FOXP1: variants seen among roughly 807,000 people sequenced by gnomAD.
The protein encoded by FOXP1 is forkhead box P1.
Under a neutral mutation model 98.2 loss-of-function variants are expected in FOXP1, and 15 were observed. The ratio of observed to expected loss-of-function variants is 0.15; its 90% CI spans 0.10 to 0.24. The LOEUF is 0.24. Among genes scored for constraint, FOXP1 ranks in the 10% least tolerant of loss-of-function variants. The pLI is 1.00. For missense variants in FOXP1, 633 were observed against 848.5 expected (o/e 0.75, Z 3.15); for synonymous variants, 371 against 314.5 (o/e 1.18, Z -1.90).
At chr3:71,271,295 T>C (rs1309805233) in intron 5 of FOXP1, among the ~76,000 whole-genome samples, 1 of 152,088 alleles carries the variant, frequency 6.6e-6, no homozygotes, top group Non-Finnish European at 1.5e-5. Context: ...CAAATACAAA[T>C]GTAGGGAGAG....
intron 13 of FOXP1, among the ~76,000 whole-genome samples, chr3:70,991,525 A>C (rs962119491): frequency 6.6e-6 from 1 of 152,212 alleles, no homozygotes; most frequent in Non-Finnish European, 1.5e-5. Flanking sequence ...TTTGGGGTTC[A>C]TTTAACATCA....
At chr3:71,120,897 C>G (rs2058713122) in intron 6 of FOXP1, among the ~76,000 whole-genome samples, 1 of 152,188 alleles carries the variant, frequency 6.6e-6, no homozygotes, top group Admixed American at 6.5e-5. Flanking sequence ...TATGTATATT[C>G]CTTGCTTTTC....
At chr3:71,396,957 T>TATATACAC (rs1560424253) in intron 3 of FOXP1, among the ~76,000 whole-genome samples, 3 of 50,094 alleles carry the variant, frequency 6.0e-5, no homozygotes, top group African/African-American at 2.4e-4. Flanking sequence ...TGTGTATATA[T>TATATACAC]ATATATGTGT....
intron 9 of FOXP1, among the ~76,000 whole-genome samples, chr3:71,051,773 AC>A (rs1281596598): frequency 1.3e-5 from 2 of 152,178 alleles, no homozygotes; most frequent in African/African-American, 4.8e-5. Context: ...ACTGAGTCTC[AC>A]CCACGCAGAA....
intron 3 of FOXP1, among the ~76,000 whole-genome samples, chr3:71,443,489 C>T (rs541078386): frequency 4.7e-4 from 71 of 152,360 alleles, no homozygotes; most frequent in African/African-American, 1.6e-3. Context: ...CTAACAAGCC[C>T]TCCAGGTGAC....
At chr3:71,377,373 T>C (rs1416632265) in intron 3 of FOXP1, among the ~76,000 whole-genome samples, 1 of 152,222 alleles carries the variant, frequency 6.6e-6, no homozygotes, top group Non-Finnish European at 1.5e-5. Context: ...TATATAAATA[T>C]CATGTAAAGG....
chr3:71,150,423 C>T (rs978402006), intron 6 of FOXP1, among the ~76,000 whole-genome samples: 2 of 152,178 alleles, frequency 1.3e-5, no homozygotes, highest in East Asian at 3.9e-4. Flanking sequence ...TTGTGTCTAT[C>T]CGCCACTTCT....
chr3:71,427,842 G>A (rs2084304029), intron 3 of FOXP1, among the ~76,000 whole-genome samples: 1 of 152,080 alleles, frequency 6.6e-6, no homozygotes, highest in Non-Finnish European at 1.5e-5. Context: ...AAGATGAGCA[G>A]GCACCAAAGA....
At chr3:71,344,889 G>T (rs1454326810) in intron 4 of FOXP1, among the ~76,000 whole-genome samples, 1 of 152,004 alleles carries the variant, frequency 6.6e-6, no homozygotes, top group East Asian at 1.9e-4. Context: ...ATTAGGGCAG[G>T]CATCTTAAAT....
chr3:71,183,872 G>A (rs1244473549), intron 6 of FOXP1, among the ~76,000 whole-genome samples: 1 of 152,148 alleles, frequency 6.6e-6, no homozygotes, highest in African/African-American at 2.4e-5. Context: ...GCCCTCCAGC[G>A]CCTGGCGTGG....
At chr3:71,143,133 T>A (rs2060150571) in intron 6 of FOXP1, among the ~76,000 whole-genome samples, 3 of 152,222 alleles carry the variant, frequency 2.0e-5, no homozygotes, top group Non-Finnish European at 4.4e-5. Flanking sequence ...AAACACTAAG[T>A]GAAAACAGTT....
At chr3:71,482,747 G>A (rs2090375544) in intron 3 of FOXP1, among the ~76,000 whole-genome samples, 1 of 151,398 alleles carries the variant, frequency 6.6e-6, no homozygotes, top group Non-Finnish European at 1.5e-5. Context: ...CTGTCTTGCA[G>A]AAAATTCACC....
intron 6 of FOXP1, among the ~76,000 whole-genome samples, chr3:71,169,579 AC>A (rs2061547071): frequency 6.6e-6 from 1 of 152,048 alleles, no homozygotes; most frequent in Non-Finnish European, 1.5e-5. Flanking sequence ...CTTTTGTTTA[AC>A]TGCACCTTTT....
In FOXP1 at chr3:70,958,737, CAAAAAAAAAAAA is replaced by C. The variant is rs10633687; in HGVS notation, c.*498_*509del. On this transcript the variant is annotated 3_prime_UTR_variant, in exon 21 of 21. Transcript: ENST00000649528. ...AGGCCTTCCCCATCCCAACTGGAAGCAAAAAAAAAAAAAAAAAAAAAAAAAAAAAAGGAGTAA... is the reference window on the plus strand; with the variant it reads ...AGGCCTTCCCCATCCCAACTGGAAGCAAAAAAAAAAAAAAAAAAGGAGTAA... 42 of 24,048 alleles carry C rather than the reference CAAAAAAAAAAAA, an allele frequency of 1.7e-3. 1 individual carries two copies. Among genetic ancestry groups the C allele is most frequent in the Admixed American group, 5.6e-3 (7 of 1,246 alleles). The allele number at this position is 24,048 out of a possible 1,614,324, so 1.5% of individuals were successfully genotyped here.
chr3:70,999,050 T>A (rs1348861219), intron 13 of FOXP1, among the ~76,000 whole-genome samples: 4 of 152,198 alleles, frequency 2.6e-5, no homozygotes, highest in Non-Finnish European at 1.5e-5. Context: ...ACTTTATAAG[T>A]ACCACCAATA....
intron 5 of FOXP1, among the ~76,000 whole-genome samples, chr3:71,209,298 T>G (rs1156600157): frequency 6.6e-6 from 1 of 152,238 alleles, no homozygotes; most frequent in East Asian, 1.9e-4. Context: ...TCAGTAACTC[T>G]GCATTCATTT....
At chr3:71,413,290 A>ACACACACCCC (rs371166757) in intron 3 of FOXP1, among the ~76,000 whole-genome samples, 6 of 138,526 alleles carry the variant, frequency 4.3e-5, no homozygotes, top group Admixed American at 1.5e-4. Flanking sequence ...ACACACACAC[A>ACACACACCCC]CCCAAAACAG....
chr3:71,342,764 C>T (rs2077087881), intron 4 of FOXP1, among the ~76,000 whole-genome samples: 1 of 151,704 alleles, frequency 6.6e-6, no homozygotes, highest in Non-Finnish European at 1.5e-5. Context: ...GAAATAATTA[C>T]AGACCACAAG....
At chr3:71,343,697 C>A (rs2077151534) in intron 4 of FOXP1, among the ~76,000 whole-genome samples, 1 of 151,852 alleles carries the variant, frequency 6.6e-6, no homozygotes, top group African/African-American at 2.4e-5. Flanking sequence ...TGTACCACCA[C>A]ACCTGACTAA....
Sources: allele counts gnomAD v4.1 joint callset (sites outside exome capture counted in the v4.1 genomes callset), GRCh38; gene constraint gnomAD v4.1.1; transcripts MANE v1.5; gene names NCBI Gene and HGNC (gene_info 2026-07-23, HGNC 2026-07-21).